The following LRMDA variants were observed in gnomAD, a reference collection of about 807,000 sequenced individuals.
LRMDA encodes leucine-rich melanocyte differentiation-associated protein.
Under a neutral mutation model 29.8 loss-of-function variants are expected in LRMDA, and 18 were observed. The observed-to-expected ratio is 0.60, with a 90% CI of 0.42 to 0.90. The LOEUF (loss-of-function observed/expected upper bound fraction) is 0.90. Among genes scored for constraint, LRMDA ranks in the 40% least tolerant of loss-of-function variants. The probability of loss-of-function intolerance (pLI) is 0.00; values close to 1 mark genes in which losing one functional copy is unlikely to be tolerated. For missense variants in LRMDA, 273 were observed against 273.9 expected (o/e 1.00, Z 0.02); for synonymous variants, 125 against 109.4 (o/e 1.14, Z -0.89).
intron 2 of LRMDA, among the ~76,000 whole-genome samples, chr10:75,946,295 G>A (rs991334763): frequency 2.0e-5 from 3 of 152,210 alleles, no homozygotes; most frequent in African/African-American, 7.2e-5. Flanking sequence ...CTGTGCCCAT[G>A]TGAGCTATTT....
chr10:76,525,645 C>T (rs1843166978), intron 6 of LRMDA, among the ~76,000 whole-genome samples: 1 of 152,080 alleles, frequency 6.6e-6, no homozygotes. Context: ...TAATTTATAA[C>T]TCCGGCTATT....
At chr10:75,440,281 G>T (rs1323005620) in intron 2 of LRMDA, among the ~76,000 whole-genome samples, 1 of 149,204 alleles carries the variant, frequency 6.7e-6, no homozygotes, top group Non-Finnish European at 1.5e-5. Flanking sequence ...CAGAGGGAGA[G>T]CACTGAAGAT....
chr10:76,543,937 C>G (rs975530836), intron 6 of LRMDA, among the ~76,000 whole-genome samples: 1 of 152,098 alleles, frequency 6.6e-6, no homozygotes, highest in Non-Finnish European at 1.5e-5. Flanking sequence ...TGGGCTTCTC[C>G]CTGCACCACA....
intron 5 of LRMDA, among the ~76,000 whole-genome samples, chr10:76,140,912 T>C (rs1214976058): frequency 6.6e-6 from 1 of 152,138 alleles, no homozygotes; most frequent in East Asian, 1.9e-4. Flanking sequence ...ATTTAGAAAC[T>C]ATTGCCTATT....
At chr10:75,908,258 C>CAG (rs1341868476) in intron 2 of LRMDA, among the ~76,000 whole-genome samples, 1 of 152,148 alleles carries the variant, frequency 6.6e-6, no homozygotes, top group Non-Finnish European at 1.5e-5. Flanking sequence ...ACTGACTGGC[C>CAG]AGAGCCAGGG....
At chr10:76,507,582 C>T (rs1842971634) in intron 6 of LRMDA, among the ~76,000 whole-genome samples, 1 of 151,994 alleles carries the variant, frequency 6.6e-6, no homozygotes, top group Admixed American at 6.6e-5. Context: ...GATTGTTATC[C>T]TAAAGTATTT....
intron 2 of LRMDA, among the ~76,000 whole-genome samples, chr10:75,497,931 G>A (rs1845065933): frequency 6.6e-6 from 1 of 152,130 alleles, no homozygotes; most frequent in Non-Finnish European, 1.5e-5. Flanking sequence ...ACATGAGAGT[G>A]GAACTACTGG....
At chr10:75,453,788 C>G (rs1243661863) in intron 2 of LRMDA, among the ~76,000 whole-genome samples, 1 of 152,172 alleles carries the variant, frequency 6.6e-6, no homozygotes. Flanking sequence ...CCCACTCGCT[C>G]GCATGTCATA....
intron 2 of LRMDA, among the ~76,000 whole-genome samples, chr10:75,651,567 C>A (rs1841600054): frequency 6.6e-6 from 1 of 152,196 alleles, no homozygotes; most frequent in Admixed American, 6.5e-5. Context: ...TAAGCCAAAT[C>A]ATGTTGGCTT....
chr10:76,294,439 T>G (rs955031612), intron 5 of LRMDA, among the ~76,000 whole-genome samples: 1 of 152,226 alleles, frequency 6.6e-6, no homozygotes, highest in Non-Finnish European at 1.5e-5. Flanking sequence ...AAAGAACGTA[T>G]AAAACACATC....
At chr10:75,950,821 T>A (rs1302896759) in intron 2 of LRMDA, among the ~76,000 whole-genome samples, 3 of 152,072 alleles carry the variant, frequency 2.0e-5, no homozygotes, top group Non-Finnish European at 4.4e-5. Flanking sequence ...GAAGCTAGAG[T>A]GTGATGATCT....
intron 2 of LRMDA, among the ~76,000 whole-genome samples, chr10:75,459,005 T>TC (rs1481467080): frequency 1.3e-5 from 2 of 151,614 alleles, no homozygotes; most frequent in African/African-American, 4.9e-5. Flanking sequence ...TTTAGATTTT[T>TC]TTTTTTTCTT....
intron 5 of LRMDA, among the ~76,000 whole-genome samples, chr10:76,157,624 A>G (rs1850561973): frequency 6.6e-6 from 1 of 151,958 alleles, no homozygotes; most frequent in Non-Finnish European, 1.5e-5. Flanking sequence ...TTAAAAACAA[A>G]AAAAAAGACC....
intron 5 of LRMDA, among the ~76,000 whole-genome samples, chr10:76,202,509 C>G (rs979565430): frequency 6.6e-6 from 1 of 151,902 alleles, no homozygotes; most frequent in East Asian, 1.9e-4. Flanking sequence ...ATTTGGAATC[C>G]GGATGCTGGA....
At chr10:75,927,331 T>G (rs974338283) in intron 2 of LRMDA, among the ~76,000 whole-genome samples, 1 of 152,186 alleles carries the variant, frequency 6.6e-6, no homozygotes, top group Admixed American at 6.5e-5. Context: ...ACTGTAAAAC[T>G]GTATAAGTCT....
At chr10:75,979,809 C>T (rs1847134100) in intron 2 of LRMDA, among the ~76,000 whole-genome samples, 1 of 152,130 alleles carries the variant, frequency 6.6e-6, no homozygotes, top group African/African-American at 2.4e-5. Flanking sequence ...TCAGAACTGC[C>T]CTGTCCATCA....
At chr10:75,755,419 G>T (rs182280888) in intron 2 of LRMDA, among the ~76,000 whole-genome samples, 1 of 152,222 alleles carries the variant, frequency 6.6e-6, no homozygotes, top group Non-Finnish European at 1.5e-5. Context: ...ATTAGTTGGG[G>T]TTGGGGGCAA....
intron 3 of LRMDA, among the ~76,000 whole-genome samples, chr10:76,043,785 T>A (rs576251338): frequency 6.6e-6 from 1 of 152,334 alleles, no homozygotes; most frequent in African/African-American, 2.4e-5. Context: ...GGCATTTCAA[T>A]CCAACTCAGT....
At chr10:75,728,503 CT>C (rs1468936321) in intron 2 of LRMDA, among the ~76,000 whole-genome samples, 1 of 149,752 alleles carries the variant, frequency 6.7e-6, no homozygotes, top group African/African-American at 2.5e-5. Context: ...GTGGTAGACA[CT>C]GGAAAACGTG....
Sources: gnomAD v4.1 joint callset for allele counts (sites outside exome capture counted in the v4.1 genomes callset) on GRCh38, gnomAD v4.1.1 for gene constraint, MANE v1.5 for transcripts, NCBI Gene and HGNC (gene_info 2026-07-23, HGNC 2026-07-21) for gene names.